The following RNFT2 variants were observed in gnomAD, a reference collection of about 807,000 sequenced individuals.
The protein encoded by RNFT2 is E3 ubiquitin-protein ligase RNFT2.
Under a neutral mutation model 53.0 loss-of-function variants are expected in RNFT2, and 36 were observed. The ratio of observed to expected loss-of-function variants is 0.68; its 90% CI spans 0.52 to 0.90. The LOEUF (loss-of-function observed/expected upper bound fraction) is 0.90, where lower values mean the gene tolerates loss of function less well. Among genes scored for constraint, RNFT2 ranks in the 40% least tolerant of loss-of-function variants. RNFT2 has a pLI of 0.00. For missense variants in RNFT2, 514 were observed against 585.6 expected (o/e 0.88, Z 1.26); for synonymous variants, 260 against 253.2 (o/e 1.03, Z -0.26).
chr12:116,763,297 G>A (rs1872763187), intron 5 of RNFT2, among the ~76,000 whole-genome samples: 1 of 152,048 alleles, frequency 6.6e-6, no homozygotes, highest in Non-Finnish European at 1.5e-5. Context: ...ACCGATCAGG[G>A]AAATGCAAAT....
intron 7 of RNFT2, among the ~76,000 whole-genome samples, chr12:116,781,886 G>A (rs1288154145): frequency 6.6e-6 from 1 of 151,832 alleles, no homozygotes; most frequent in Non-Finnish European, 1.5e-5. Flanking sequence ...AAACCAGCCT[G>A]GGCTACACGG....
intron 7 of RNFT2, among the ~76,000 whole-genome samples, chr12:116,796,974 G>T (rs532809535): frequency 6.6e-6 from 1 of 152,310 alleles, no homozygotes; most frequent in East Asian, 1.9e-4. Flanking sequence ...ACCATTGGAG[G>T]GGGTGTGCTA....
Position 116,851,646 on chromosome 12 carries a change from A to C in RNFT2, c.*2198A>C. 1.6e-6 allele frequency: 1 copy of C among 625,546 alleles called. No homozygotes were observed. The highest frequency in any genetic ancestry group is 2.7e-5 in the East Asian group (1 of 36,836). The allele number at this position is 625,546 out of a possible 1,614,324, so 38.7% of individuals were successfully genotyped here. ...TCCCAGCTACTCAGGAGGCTAAGGC[A>C]GGGAGAACTGCTTGAACTCGGGAGG... is the stretch of plus-strand genomic sequence containing the variant. On this transcript the variant is annotated 3_prime_UTR_variant, in exon 11 of 11. Transcript: ENST00000257575.
rs138587979 is a variant in RNFT2 at position 116,816,448 on chromosome 12, G to A, written c.883-17344G>A. Reference sequence around the variant, plus strand: ...GGACCATAGCACCAGAGGCGATCGCGGCCTCCTCCTCCCCCTCCTCGCCAG... The same window carrying A: ...GGACCATAGCACCAGAGGCGATCGCAGCCTCCTCCTCCCCCTCCTCGCCAG... On this transcript the variant is annotated intron_variant, in intron 7 of 10. Transcript: ENST00000257575. 2.9e-3 allele frequency among the ~76,000 whole-genome samples: 438 copies of A among 152,218 alleles called. 1 individual carries two copies. The highest frequency in any genetic ancestry group is 8.9e-3 in the African/African-American group (369 of 41,530).
At chr12:116,806,377 A>ATATATAG (rs66541257) in intron 7 of RNFT2, among the ~76,000 whole-genome samples, 1 of 127,114 alleles carries the variant, frequency 7.9e-6, no homozygotes, top group East Asian at 2.4e-4. Context: ...CAAAAAAAAA[A>ATATATAG]AAAAATATAT....
intron 6 of RNFT2, among the ~76,000 whole-genome samples, chr12:116,769,029 C>A (rs1873051606): frequency 6.6e-6 from 1 of 152,098 alleles, no homozygotes; most frequent in Non-Finnish European, 1.5e-5. Flanking sequence ...CAGTGCCCAC[C>A]CATTGTCATT....
chr12:116,783,583 T>G (rs1024706918), intron 7 of RNFT2, among the ~76,000 whole-genome samples: 3 of 152,222 alleles, frequency 2.0e-5, no homozygotes, highest in African/African-American at 7.2e-5. Flanking sequence ...TCATCCTCAC[T>G]TGAGCAATAA....
chr12:116,753,253 C>T (rs538289216), intron 4 of RNFT2, among the ~76,000 whole-genome samples: 2 of 143,624 alleles, frequency 1.4e-5, no homozygotes, highest in East Asian at 4.2e-4. Flanking sequence ...TGGGTTCAAG[C>T]AGTTCTTGTG....
chr12:116,838,910 A>G (rs772831438), intron 10 of RNFT2, among the ~76,000 whole-genome samples: 5 of 152,250 alleles, frequency 3.3e-5, no homozygotes, highest in Non-Finnish European at 5.9e-5. Flanking sequence ...TGACCAGGCC[A>G]GGCACACATT....
In RNFT2 at chr12:116,740,941, G is replaced by A. The variant is rs574334048; in HGVS notation, c.25-95G>A. The A allele has an allele frequency of 5.1e-5, 52 of 1,028,286 alleles. No homozygotes were observed. The South Asian group carries it at 6.5e-4, about 13-fold the overall frequency. 63.7% of individuals were successfully genotyped at this position (1,028,286 alleles called of 1,614,324 possible). A position where few individuals can be genotyped will look rare whatever the true frequency, so the allele number is the denominator to read the frequency against. On this transcript the variant is annotated intron_variant, in intron 2 of 10. Coordinates refer to ENST00000257575, the MANE Select transcript of RNFT2 (RefSeq NM_001382266.1). ...AGAGAGCACTAGGGGTCTAAGATAC[G>A]ACTAGTGCAGGTTTGCAGTTTACAA...
At chr12:116,751,124 C>G (rs1196023970) in intron 4 of RNFT2, among the ~76,000 whole-genome samples, 1 of 151,056 alleles carries the variant, frequency 6.6e-6, no homozygotes, top group Non-Finnish European at 1.5e-5. Context: ...CTATATTGCC[C>G]AGGCTGGTCT....
chr12:116,776,910 A>G (rs1223538537), intron 6 of RNFT2, among the ~76,000 whole-genome samples: 2 of 131,764 alleles, frequency 1.5e-5, no homozygotes, highest in Non-Finnish European at 3.2e-5. Flanking sequence ...CTCAGCTCAA[A>G]ATGGGATTTT....
intron 5 of RNFT2, among the ~76,000 whole-genome samples, chr12:116,760,310 G>A (rs949632013): frequency 2.6e-5 from 4 of 152,156 alleles, no homozygotes; most frequent in Non-Finnish European, 4.4e-5. Flanking sequence ...AGTTCGTGCC[G>A]CCGCTGTGGA....
At chr12:116,764,920 G>T (rs958363790) in intron 5 of RNFT2, among the ~76,000 whole-genome samples, 3 of 152,102 alleles carry the variant, frequency 2.0e-5, no homozygotes, top group Admixed American at 2.0e-4. Context: ...ACAGTAGGAG[G>T]CAGCTTTGGG....
rs574162417 is a variant in RNFT2 at position 116,841,405 on chromosome 12, A to G, written c.1200+5123A>G. Among the ~76,000 whole-genome samples, 40 of 152,118 alleles carry G rather than the reference A, an allele frequency of 2.6e-4. No individual in the cohort carries two copies. The East Asian group carries it at 7.2e-3, about 27-fold the overall frequency. On this transcript the variant is annotated intron_variant, in intron 10 of 10. Transcript: ENST00000257575. ...GAGGCGGAGGCTGCAGTGAGCCGAG[A>G]TTGCACCACTACACCATAGCCTGGG...
chr12:116,838,298 T>G (rs992904126), intron 10 of RNFT2, among the ~76,000 whole-genome samples: 24 of 152,222 alleles, frequency 1.6e-4, no homozygotes, highest in African/African-American at 5.3e-4. Flanking sequence ...TAAAGGTTAA[T>G]TCAAGGGAAG....
intron 7 of RNFT2, among the ~76,000 whole-genome samples, chr12:116,830,903 G>T (rs1202558924): frequency 6.7e-6 from 1 of 148,798 alleles, no homozygotes; most frequent in South Asian, 2.1e-4. Context: ...GCAAGACTCC[G>T]TCTCAAAAAA....
chr12:116,840,043 A>G (rs1196255164), intron 10 of RNFT2, among the ~76,000 whole-genome samples: 8 of 152,204 alleles, frequency 5.3e-5, no homozygotes, highest in Non-Finnish European at 8.8e-5. Context: ...GGGAAAGGGC[A>G]TTTTGAACAC....
chr12:116,843,492 CAAAA>C (rs35687933), intron 10 of RNFT2, among the ~76,000 whole-genome samples: 1,288 of 65,122 alleles, frequency 0.02, 17 homozygotes, highest in African/African-American at 0.078. Flanking sequence ...GACTGTGTCT[CAAAA>C]AAAAAAAAAA....
Sources: allele counts gnomAD v4.1 joint callset (sites outside exome capture counted in the v4.1 genomes callset), GRCh38; gene constraint gnomAD v4.1.1; transcripts MANE v1.5; gene names NCBI Gene and HGNC (gene_info 2026-07-23, HGNC 2026-07-21).